Variants in OSBPL10 observed in about 807,000 individuals in gnomAD.
OSBPL10 encodes oxysterol binding protein like 10.
Under a neutral mutation model 81.7 loss-of-function variants are expected in OSBPL10, and 49 were observed. The ratio of observed to expected loss-of-function variants is 0.60; its 90% CI spans 0.48 to 0.76. The LOEUF is 0.76. OSBPL10 is among the 30% of genes least tolerant of loss of function. The pLI is 0.00. For synonymous variants in OSBPL10, 419 were observed against 383.6 expected (o/e 1.09, Z -1.08); for missense variants, 923 against 987.8 (o/e 0.93, Z 0.88).
intron 1 of OSBPL10, among the ~76,000 whole-genome samples, chr3:32,077,149 C>G (rs1360073128): frequency 6.6e-6 from 1 of 152,056 alleles, no homozygotes; most frequent in Non-Finnish European, 1.5e-5. Flanking sequence ...TAAGTTCTTC[C>G]CAAAGTTAGT....
intron 1 of OSBPL10, among the ~76,000 whole-genome samples, chr3:31,959,768 G>C (rs1053477080): frequency 6.6e-6 from 1 of 152,116 alleles, no homozygotes; most frequent in African/African-American, 2.4e-5. Flanking sequence ...ATCTATTTGA[G>C]GCAGTTTCCT....
intron 4 of OSBPL10, among the ~76,000 whole-genome samples, chr3:31,760,936 T>C (rs1200606174): frequency 6.6e-6 from 1 of 152,172 alleles, no homozygotes; most frequent in Non-Finnish European, 1.5e-5. Flanking sequence ...TTAAAAAGAT[T>C]TTGTGAAAAT....
chr3:31,814,406 G>A (rs770690857), intron 4 of OSBPL10, among the ~76,000 whole-genome samples: 6 of 152,198 alleles, frequency 3.9e-5, no homozygotes, highest in Admixed American at 2.6e-4. Flanking sequence ...ACCTTCCTTG[G>A]AAATAGGACC....
intron 6 of OSBPL10, among the ~76,000 whole-genome samples, chr3:31,724,950 T>C (rs893408784): frequency 6.6e-6 from 1 of 152,142 alleles, no homozygotes; most frequent in Admixed American, 6.5e-5. Flanking sequence ...CAGATGGTCA[T>C]CTCAATTGCT....
chr3:31,728,612 T>C (rs1696879585), intron 6 of OSBPL10, among the ~76,000 whole-genome samples: 1 of 152,166 alleles, frequency 6.6e-6, no homozygotes, highest in African/African-American at 2.4e-5. Flanking sequence ...TCACATAACA[T>C]GGATGAATCT....
intron 4 of OSBPL10, among the ~76,000 whole-genome samples, chr3:31,811,271 A>C (rs1005955950): frequency 1.3e-5 from 2 of 152,152 alleles, no homozygotes; most frequent in Non-Finnish European, 2.9e-5. Context: ...CCTCACAAGA[A>C]GACCTCAGCA....
At chr3:32,000,376 C>T (rs568901768) in intron 2 of OSBPL10, among the ~76,000 whole-genome samples, 4 of 152,276 alleles carry the variant, frequency 2.6e-5, no homozygotes, top group South Asian at 4.1e-4. Context: ...CTGCCTCCAA[C>T]TGGTTTTGCT....
intron 6 of OSBPL10, among the ~76,000 whole-genome samples, chr3:31,725,310 C>T (rs1243129490): frequency 6.6e-6 from 1 of 152,130 alleles, no homozygotes; most frequent in Non-Finnish European, 1.5e-5. Context: ...CATTATGGCT[C>T]TTTCTGATTT....
At chr3:31,997,883 G>T (rs534326377) in intron 2 of OSBPL10, among the ~76,000 whole-genome samples, 37 of 152,190 alleles carry the variant, frequency 2.4e-4, no homozygotes, top group African/African-American at 8.9e-4. Context: ...GACATCCTGG[G>T]CTCAAGCAAT....
At chr3:31,788,483 GGGA>G (rs1424080672) in intron 4 of OSBPL10, among the ~76,000 whole-genome samples, 1 of 152,112 alleles carries the variant, frequency 6.6e-6, no homozygotes, top group Non-Finnish European at 1.5e-5. Context: ...GGTGGTGGGT[GGGA>G]TAGGAAAGTT....
At chr3:31,856,061 G>T (rs1700904972) in intron 3 of OSBPL10, among the ~76,000 whole-genome samples, 3 of 129,640 alleles carry the variant, frequency 2.3e-5, no homozygotes, top group Non-Finnish European at 3.2e-5. Context: ...ATACATTTAT[G>T]TTTATATTAC....
rs138539943 is a variant in OSBPL10 at position 32,074,175 on chromosome 3, G to A, written n.185+3221C>T. Among the ~76,000 whole-genome samples the A allele has an allele frequency of 4.0e-3, 611 of 152,096 alleles. 3 individuals carry two copies. The highest frequency in any genetic ancestry group is 6.6e-3 in the Admixed American group (101 of 15,278). ...TCCTTTAATAGCCCTCACTTTACCC[G>A]CCTGAGGAACTTCTTTACTTTCTAG... On this transcript the variant is annotated intron_variant and non_coding_transcript_variant, in intron 1 of 3. Coordinates refer to the OSBPL10 transcript ENST00000479173.
chr3:32,043,702 A>G lies in OSBPL10; in HGVS notation n.298+2789T>C, dbSNP rs1242788729. 2.6e-5 allele frequency among the ~76,000 whole-genome samples: 4 copies of G among 152,242 alleles called. No homozygotes were observed. In the East Asian group the frequency reaches 7.7e-4, roughly 29 times the overall value. The stretch of plus-strand genomic sequence containing the variant: ...GCAGGGAGCCCTACACATAGTAGGA[A>G]CTCAAAAATAATTTGCTAAAAGACA... On this transcript the variant is annotated intron_variant and non_coding_transcript_variant, in intron 2 of 3. Coordinates refer to the OSBPL10 transcript ENST00000479173.
In OSBPL10 at chr3:31,895,134, C is replaced by CTTTTTTTTTTTTT. The variant is rs10529845; in HGVS notation, c.282-15317_282-15305dup. Among the ~76,000 whole-genome samples, 7 of 124,896 alleles carry CTTTTTTTTTTTTT rather than the reference C, an allele frequency of 5.6e-5. 1 individual carries two copies. Among genetic ancestry groups the CTTTTTTTTTTTTT allele is most frequent in the African/African-American group, 1.6e-4 (5 of 31,582 alleles). The allele number at this position is 124,896 out of a possible 152,430, so 81.9% of individuals were successfully genotyped here. A position where few individuals can be genotyped will look rare whatever the true frequency, so the allele number is the denominator to read the frequency against. ...GCTGCATATTAGAATTCTCTGCGGC[C>CTTTTTTTTTTTTT]TTTTTTTTTTTTTTTTTTAGACGGA... On this transcript the variant is annotated intron_variant, in intron 1 of 11. Transcript: ENST00000396556.
chr3:31,905,588 G>C (rs1306731756), intron 1 of OSBPL10, among the ~76,000 whole-genome samples: 1 of 151,874 alleles, frequency 6.6e-6, no homozygotes, highest in African/African-American at 2.4e-5. Context: ...GACCTCAAGT[G>C]ATCCACCTGC....
intron 4 of OSBPL10, among the ~76,000 whole-genome samples, chr3:31,776,967 A>T (rs1244012302): frequency 2.0e-5 from 3 of 152,220 alleles, no homozygotes; most frequent in Non-Finnish European, 2.9e-5. Context: ...AACAATTTTT[A>T]AAAAATGTTT....
intron 4 of OSBPL10, among the ~76,000 whole-genome samples, chr3:31,793,129 C>A (rs1411566212): frequency 1.3e-5 from 2 of 152,114 alleles, no homozygotes; most frequent in African/African-American, 4.8e-5. Context: ...ATTCACGAAC[C>A]AACCAAAGAG....
chr3:31,889,971 G>T (rs565097491), intron 1 of OSBPL10, among the ~76,000 whole-genome samples: 1 of 151,996 alleles, frequency 6.6e-6, no homozygotes, highest in South Asian at 2.1e-4. Context: ...TTAAAGTTTG[G>T]TCCAGTTGCT....
chr3:31,753,426 C>A (rs1224524018), intron 4 of OSBPL10, among the ~76,000 whole-genome samples: 1 of 152,086 alleles, frequency 6.6e-6, no homozygotes, highest in Non-Finnish European at 1.5e-5. Flanking sequence ...CTCAGGTGAT[C>A]TGCCCGCCGC....
Sources: gnomAD v4.1 joint callset for allele counts (sites outside exome capture counted in the v4.1 genomes callset) on GRCh38, gnomAD v4.1.1 for gene constraint, MANE v1.5 for transcripts, NCBI Gene and HGNC (gene_info 2026-07-23, HGNC 2026-07-21) for gene names.